The following CYP11A1 variants were observed in gnomAD, a reference collection of about 807,000 sequenced individuals.
The protein encoded by CYP11A1 is cholesterol side-chain cleavage enzyme, mitochondrial.
Under a neutral mutation model 51.9 loss-of-function variants are expected in CYP11A1, and 25 were observed. The observed-to-expected ratio is 0.48, with a 90% CI of 0.35 to 0.67. The LOEUF is 0.67. CYP11A1 is among the 30% of genes least tolerant of loss of function. The pLI, the probability that CYP11A1 is intolerant of heterozygous loss-of-function variation, is 0.00. For synonymous variants in CYP11A1, 245 were observed against 262.1 expected, an observed-to-expected ratio of 0.93 and a Z score of 0.63; for missense variants, 578 against 680.9, an observed-to-expected ratio of 0.85 and a Z score of 1.68.
At chr15:74,347,436 C>T (rs1363068114) in intron 2 of CYP11A1, among the ~76,000 whole-genome samples, 4 of 152,012 alleles carry the variant, frequency 2.6e-5, no homozygotes, top group African/African-American at 9.7e-5. Context: ...TGAACAATTT[C>T]GTAGAAAACA....
chr15:74,355,260 G>T (rs1431651466), intron 1 of CYP11A1, among the ~76,000 whole-genome samples: 3 of 152,010 alleles, frequency 2.0e-5, no homozygotes, highest in Admixed American at 6.6e-5. Flanking sequence ...ATTTTCTTCT[G>T]CAATGCCACT....
intron 1 of CYP11A1, chr15:74,366,219 C>T (rs2060732463): frequency 1.0e-6 from 1 of 984,762 alleles, no homozygotes; most frequent in South Asian, 4.7e-5. Flanking sequence ...TAGCGCCAAA[C>T]TTGACCACGC....
chr15:74,363,689 C>T (rs1377268907), intron 1 of CYP11A1: 1 of 152,202 alleles, frequency 6.6e-6, no homozygotes, highest in East Asian at 1.9e-4. Flanking sequence ...GTCATATGGT[C>T]TCTCTTCAAC....
intron 1 of CYP11A1, among the ~76,000 whole-genome samples, chr15:74,360,943 T>G (rs1355005947): frequency 6.6e-6 from 1 of 152,208 alleles, no homozygotes; most frequent in Non-Finnish European, 1.5e-5. Context: ...CAATTAAGAC[T>G]ACTAGAAACA....
intron 1 of CYP11A1, among the ~76,000 whole-genome samples, chr15:74,352,425 A>C (rs1203869816): frequency 6.6e-6 from 1 of 151,570 alleles, no homozygotes; most frequent in Non-Finnish European, 1.5e-5. Context: ...ACACGCCACC[A>C]CGCCCAGCTA....
At chr15:74,366,480 ATT>A (rs1401803725) in intron 1 of CYP11A1, among the ~76,000 whole-genome samples, 4 of 146,354 alleles carry the variant, frequency 2.7e-5, no homozygotes, top group African/African-American at 7.6e-5. Context: ...TTATTTATTT[ATT>A]TATTTATTTA....
rs781754675 is a variant in CYP11A1 at position 74,345,058 on chromosome 15, C to T, written c.611G>A (p.Arg204His). The part of the protein sequence containing the change: ...YSGDISDDLF[R>H]FAFESITNVI... Reference sequence around the variant, plus strand: ...AGCCCCCTTACACTCAAAGGCAAAGCGGAACAGGTCATCACTGATGTCCCC... The same window carrying T: ...AGCCCCCTTACACTCAAAGGCAAAGTGGAACAGGTCATCACTGATGTCCCC... The change falls in exon 3 of 9, where the codon CGC becomes CAC. Residue 204 changes from arginine (R) to histidine (H), a missense_variant. Transcript: ENST00000268053. The surrounding 1 kb of genome is among the most constrained non-coding windows in gnomAD (Gnocchi z 4.3). 1.2e-5 allele frequency: 20 copies of T among 1,613,874 alleles called. No homozygotes were observed. The highest frequency in any genetic ancestry group is 3.3e-5 in the Admixed American group (2 of 59,994).
In CYP11A1 at chr15:74,345,005, C is replaced by T; in HGVS notation, c.625+39G>A. The T allele has an allele frequency of 6.3e-7, 1 of 1,578,072 alleles. No individual in the cohort carries two copies. The highest frequency in any genetic ancestry group is 8.7e-7 in the Non-Finnish European group (1 of 1,147,448). ...AGAGAGTGAACACTGAGTCCTCCCACCCCCATGCCCACTGCCAGCCAGGTG... is the reference window on the plus strand; with the variant it reads ...AGAGAGTGAACACTGAGTCCTCCCATCCCCATGCCCACTGCCAGCCAGGTG... On this transcript the variant is annotated intron_variant, in intron 3 of 8. Transcript: ENST00000268053. The surrounding 1 kb of genome is among the most constrained non-coding windows in gnomAD (Gnocchi z 4.3).
rs757253866 is a variant in CYP11A1, at chr15:74,337,946, A to G, written c.*26T>C. 8.7e-6 allele frequency: 14 copies of G among 1,613,104 alleles called. No homozygotes were observed. Among genetic ancestry groups the G allele is most frequent in the Admixed American group, 1.7e-5 (1 of 59,992 alleles). ...GGCCCCACCCCTGGGCCTTCCTCCC[A>G]TGTGGCTGCAGGCCATCCTCTCTGA... is the stretch of plus-strand genomic sequence containing the variant. On this transcript the variant is annotated 3_prime_UTR_variant, in exon 9 of 9. Transcript: ENST00000268053.
At chr15:74,340,882 T>C (rs535443567) in intron 5 of CYP11A1, among the ~76,000 whole-genome samples, 2 of 152,106 alleles carry the variant, frequency 1.3e-5, no homozygotes, top group African/African-American at 4.8e-5. Context: ...TCCAGCTACA[T>C]GGAGTGGCAC....
At chr15:74,356,743 C>T (rs937326987) in intron 1 of CYP11A1, among the ~76,000 whole-genome samples, 2 of 152,184 alleles carry the variant, frequency 1.3e-5, no homozygotes, top group Non-Finnish European at 2.9e-5. Flanking sequence ...GGGCTACAGC[C>T]ACACCTTATT....
chr15:74,355,440 G>T (rs2141242191), intron 1 of CYP11A1, among the ~76,000 whole-genome samples: 1 of 152,158 alleles, frequency 6.6e-6, no homozygotes, highest in East Asian at 1.9e-4. Flanking sequence ...CAATGCAATT[G>T]GTCCCAAATC....
At chr15:74,351,700 C>T (rs2060657188) in intron 1 of CYP11A1, among the ~76,000 whole-genome samples, 2 of 152,156 alleles carry the variant, frequency 1.3e-5, no homozygotes, top group Non-Finnish European at 2.9e-5. Context: ...ATTTTCTCTC[C>T]GCAGTTGCAA....
chr15:74,354,538 A>C (rs2060669589), intron 1 of CYP11A1: 1 of 153,294 alleles, frequency 6.5e-6, no homozygotes, highest in Admixed American at 6.5e-5. Flanking sequence ...ACACGCATGA[A>C]ATTTGGTGCC....
Position 74,339,651 on chromosome 15 carries a change from C to T in CYP11A1, c.1093G>A (p.Gly365Arg). Residue 365 changes from glycine (G) to arginine (R), a missense_variant, in exon 6 of 9, where the codon GGA becomes AGA. Coordinates refer to ENST00000268053, the MANE Select transcript of CYP11A1 (RefSeq NM_000781.3). ...AGCTGTAGCATCGTGGCCATGTCTC[C>T]CTGGGCCTGGTGCCGCGCAGCCAAG... ...EVLAARHQAQ[G>R]DMATMLQLVP... 1 of 1,614,148 alleles carries T rather than the reference C, an allele frequency of 6.2e-7. No homozygotes were observed. Among genetic ancestry groups the T allele is most frequent in the Non-Finnish European group, 8.5e-7 (1 of 1,180,014 alleles).
At chr15:74,365,863 C>A in intron 1 of CYP11A1, 1 of 985,304 alleles carries the variant, frequency 1.0e-6, no homozygotes, top group Non-Finnish European at 1.2e-6. Context: ...CCCTGCTTCG[C>A]CGCCGCCTCC....
intron 1 of CYP11A1, chr15:74,365,910 G>T: frequency 1.0e-6 from 1 of 985,714 alleles, no homozygotes; most frequent in Non-Finnish European, 1.2e-6. Flanking sequence ...CAGCGCCCCC[G>T]TAACACCTCA....
Position 74,365,905 on chromosome 15 carries a change from C to T in CYP11A1, c.269+1412G>A, listed in dbSNP as rs950095309. The T allele has an allele frequency of 7.1e-6, 7 of 985,454 alleles. No homozygotes were observed. In the African/African-American group the frequency reaches 1.0e-4, roughly 15 times the overall value. The allele number at this position is 985,454 out of a possible 1,614,324, so 61.0% of individuals were successfully genotyped here. A position where few individuals can be genotyped will look rare whatever the true frequency, so the allele number is the denominator to read the frequency against. Reference sequence around the variant, plus strand: ...GGCCAGCGAAGCCAGTGCTCCAGCGCCCCCGTAACACCTCAAAGCGCACGG... The same window carrying T: ...GGCCAGCGAAGCCAGTGCTCCAGCGTCCCCGTAACACCTCAAAGCGCACGG... On this transcript the variant is annotated intron_variant, in intron 1 of 8. Coordinates refer to ENST00000268053, the MANE Select transcript of CYP11A1 (RefSeq NM_000781.3).
Position 74,351,951 on chromosome 15 carries a change from T to C in CYP11A1, c.270-3896A>G, listed in dbSNP as rs118155655. Among the ~76,000 whole-genome samples, 596 of 152,322 alleles carry C rather than the reference T, an allele frequency of 3.9e-3. 2 individuals are homozygous for C. Among genetic ancestry groups the C allele is most frequent in the Middle Eastern group, 6.8e-3 (2 of 294 alleles). On this transcript the variant is annotated intron_variant, in intron 1 of 8. Coordinates refer to ENST00000268053, the MANE Select transcript of CYP11A1 (RefSeq NM_000781.3). ...TTGGATTATCTGTTGGGGCAAAAAC[T>C]GGCAAGCTTGTATTGCTATCTCATG...
Sources: gnomAD v4.1 joint callset for allele counts (sites outside exome capture counted in the v4.1 genomes callset) on GRCh38, gnomAD v4.1.1 for gene constraint, Gnocchi (gnomAD v3.1) non-coding constraint, MANE v1.5 for transcripts, NCBI Gene and HGNC (gene_info 2026-07-23, HGNC 2026-07-21) for gene names.